The following ZNF385D variants were observed in gnomAD, a reference collection of about 807,000 sequenced individuals.
The protein encoded by ZNF385D is zinc finger protein 659.
In ZNF385D, 15 loss-of-function variants were observed where a neutral mutation model predicts 35.8. The observed-to-expected ratio is 0.42, with a 90% CI of 0.28 to 0.64. The LOEUF is 0.64. Among genes scored for constraint, ZNF385D ranks in the 30% least tolerant of loss-of-function variants. ZNF385D has a pLI of 0.23. For missense variants in ZNF385D, 474 were observed against 494.6 expected (o/e 0.96, Z 0.39); for synonymous variants, 212 against 186.8 (o/e 1.13, Z -1.10).
intron 2 of ZNF385D, among the ~76,000 whole-genome samples, chr3:22,208,106 A>G (rs1056905369): frequency 7.2e-5 from 11 of 151,984 alleles, no homozygotes; most frequent in Non-Finnish European, 2.9e-5. Flanking sequence ...AGAAATCAGT[A>G]TAGCAAAGAG....
intron 3 of ZNF385D, among the ~76,000 whole-genome samples, chr3:22,143,095 G>A (rs1704624690): frequency 6.7e-6 from 1 of 148,704 alleles, no homozygotes; most frequent in African/African-American, 2.5e-5. Context: ...GTGTGTGTGT[G>A]TGTGTGTGAC....
chr3:21,620,278 T>G (rs190840070), intron 2 of ZNF385D, among the ~76,000 whole-genome samples: 4 of 152,222 alleles, frequency 2.6e-5, no homozygotes, highest in African/African-American at 9.6e-5. Flanking sequence ...GAAGGATGCT[T>G]AAGATGGGGC....
chr3:22,042,304 A>C (rs1000201119), intron 3 of ZNF385D, among the ~76,000 whole-genome samples: 3 of 152,136 alleles, frequency 2.0e-5, no homozygotes, highest in African/African-American at 7.2e-5. Context: ...ACCCACAAGG[A>C]ACTTAGATTA....
chr3:22,072,647 T>C (rs1700283080), intron 3 of ZNF385D, among the ~76,000 whole-genome samples: 1 of 150,308 alleles, frequency 6.7e-6, no homozygotes, highest in Non-Finnish European at 1.5e-5. Flanking sequence ...GAATGCTAGA[T>C]AGGAAGGCAA....
In ZNF385D at chr3:22,142,477, G is replaced by A. The variant is rs369982391; in HGVS notation, c.325+26340C>T. On this transcript the variant is annotated intron_variant, in intron 3 of 5. Coordinates refer to the ZNF385D transcript ENST00000494108. ...GATGGTTTAATTCTGCTGAAGTTAT[G>A]AACAAAAGCAGCTATAAAATCAATT... Among the ~76,000 whole-genome samples the A allele has an allele frequency of 1.2e-4, 18 of 152,212 alleles. No homozygotes were observed. The East Asian group carries it at 2.3e-3, about 20-fold the overall frequency.
At chr3:21,725,456 A>G (rs1033981836) in intron 1 of ZNF385D, among the ~76,000 whole-genome samples, 1 of 152,186 alleles carries the variant, frequency 6.6e-6, no homozygotes, top group Admixed American at 6.5e-5. Context: ...AAAGAAGAAG[A>G]CAGAGAAGAA....
chr3:22,093,773 C>T (rs1351660636), intron 3 of ZNF385D, among the ~76,000 whole-genome samples: 3 of 151,972 alleles, frequency 2.0e-5, no homozygotes, highest in East Asian at 3.9e-4. Flanking sequence ...GTCTATAATT[C>T]CCACAGTTGT....
intron 2 of ZNF385D, among the ~76,000 whole-genome samples, chr3:21,610,784 A>C (rs558174186): frequency 6.6e-6 from 1 of 152,086 alleles, no homozygotes; most frequent in Admixed American, 6.6e-5. Flanking sequence ...CCCCCAAAAA[A>C]AAAAAACAAT....
At chr3:22,263,741 T>A (rs78071503) in intron 2 of ZNF385D, among the ~76,000 whole-genome samples, 14 of 152,104 alleles carry the variant, frequency 9.2e-5, no homozygotes, top group Admixed American at 3.9e-4. Context: ...GGGGCAGTTT[T>A]TATGCCACAA....
chr3:22,287,170 C>T (rs1440361887), intron 2 of ZNF385D, among the ~76,000 whole-genome samples: 5 of 151,832 alleles, frequency 3.3e-5, no homozygotes, highest in South Asian at 4.2e-4. Context: ...TTAAAGCTTA[C>T]GTTGTCTAAT....
intron 1 of ZNF385D, among the ~76,000 whole-genome samples, chr3:21,711,501 G>T (rs763314774): frequency 6.6e-6 from 1 of 152,198 alleles, no homozygotes; most frequent in African/African-American, 2.4e-5. Flanking sequence ...AAAAACGACA[G>T]TAATTAAACG....
chr3:22,099,928 T>G (rs1302242393), intron 3 of ZNF385D, among the ~76,000 whole-genome samples: 1 of 151,976 alleles, frequency 6.6e-6, no homozygotes, highest in Non-Finnish European at 1.5e-5. Context: ...AATGTCAGGA[T>G]TAAGTGTCAG....
chr3:22,007,657 T>C, intron 3 of ZNF385D, among the ~76,000 whole-genome samples: 1 of 152,208 alleles, frequency 6.6e-6, no homozygotes, highest in African/African-American at 2.4e-5. Flanking sequence ...GTGCTGCCTA[T>C]CTTTTCAATC....
intron 2 of ZNF385D, among the ~76,000 whole-genome samples, chr3:21,613,242 A>T (rs911873817): frequency 1.3e-5 from 2 of 152,040 alleles, no homozygotes; most frequent in Non-Finnish European, 2.9e-5. Flanking sequence ...CTGAATGTAT[A>T]CCCAACTCAA....
rs186472795 is a variant in ZNF385D at position 21,501,794 on chromosome 3, C to T, written c.439+9067G>A. ...ATGAGGAGGAAAAACTCTCCATGAA[C>T]TCACACCCAAACACACAAAGACACA... On this transcript the variant is annotated intron_variant, in intron 4 of 7. Coordinates refer to ENST00000281523, the MANE Select transcript of ZNF385D (RefSeq NM_024697.3). 9.1e-3 allele frequency among the ~76,000 whole-genome samples: 1,382 copies of T among 152,332 alleles called. 14 individuals are homozygous for T. The highest frequency in any genetic ancestry group is 0.044 in the Middle Eastern group (13 of 294).
At chr3:21,597,953 G>A (rs2064171759) in intron 2 of ZNF385D, among the ~76,000 whole-genome samples, 1 of 152,064 alleles carries the variant, frequency 6.6e-6, no homozygotes, top group South Asian at 2.1e-4. Flanking sequence ...GTGTAGAAAA[G>A]CAAAAGATGA....
chr3:21,624,324 G>T (rs1289611750), intron 2 of ZNF385D, among the ~76,000 whole-genome samples: 1 of 151,968 alleles, frequency 6.6e-6, no homozygotes, highest in Non-Finnish European at 1.5e-5. Context: ...TCATATGTCT[G>T]CTTTTCAGGG....
intron 3 of ZNF385D, among the ~76,000 whole-genome samples, chr3:22,124,958 G>A (rs926364862): frequency 3.3e-5 from 5 of 152,104 alleles, no homozygotes; most frequent in Admixed American, 6.6e-5. Flanking sequence ...TTGGTTGCCT[G>A]TGCTTGTGGG....
Position 22,049,546 on chromosome 3 carries a change from G to C in ZNF385D, c.325+119271C>G, listed in dbSNP as rs145569811. Among the ~76,000 whole-genome samples the C allele has an allele frequency of 5.3e-5, 8 of 151,986 alleles. No homozygotes were observed. In the East Asian group the frequency reaches 1.5e-3, roughly 29 times the overall value. ...CTAATGGCTCTAGCTACAACTTCTA[G>C]TACTATGTTTATTAAAAGTGCCAAT... On this transcript the variant is annotated intron_variant, in intron 3 of 5. Coordinates refer to the ZNF385D transcript ENST00000494108.
Sources: gnomAD v4.1 joint callset for allele counts (sites outside exome capture counted in the v4.1 genomes callset) on GRCh38, gnomAD v4.1.1 for gene constraint, MANE v1.5 for transcripts, NCBI Gene and HGNC (gene_info 2026-07-23, HGNC 2026-07-21) for gene names.